Variants in GRID1 observed in about 807,000 individuals in gnomAD.
GRID1 encodes the protein glutamate ionotropic receptor delta type subunit 1.
GRID1 carries 28 observed loss-of-function variants against 98.0 expected under a neutral mutation model. The ratio of observed to expected loss-of-function variants is 0.29; its 90% confidence interval spans 0.21 to 0.39. The LOEUF (loss-of-function observed/expected upper bound fraction) is 0.39. Among genes scored for constraint, GRID1 ranks in the 10% least tolerant of loss-of-function variants. The pLI is 1.00. For synonymous variants in GRID1, 553 were observed against 538.5 expected (o/e 1.03, Z -0.37); for missense variants, 1,111 against 1,340.5 (o/e 0.83, Z 2.67).
intron 2 of GRID1, among the ~76,000 whole-genome samples, chr10:86,336,989 C>T (rs1402223960): frequency 2.6e-5 from 4 of 151,646 alleles, no homozygotes; most frequent in African/African-American, 7.3e-5. Flanking sequence ...GGACTACAGG[C>T]GCCCGCCACC....
intron 4 of GRID1, among the ~76,000 whole-genome samples, chr10:85,929,767 C>T (rs1191869668): frequency 6.6e-6 from 1 of 152,198 alleles, no homozygotes; most frequent in Non-Finnish European, 1.5e-5. Context: ...GTCCTGCTCC[C>T]CAGAGGCAAA....
At position 86,109,334 on chromosome 10, in the gene GRID1, G is replaced by A. The variant is rs141283470; in HGVS notation, c.726+29485C>T. Among the ~76,000 whole-genome samples the A allele has an allele frequency of 3.8e-3, 579 of 152,282 alleles. 3 individuals carry two copies. Among genetic ancestry groups the A allele is most frequent in the African/African-American group, 0.013 (538 of 41,554 alleles). On this transcript the variant is annotated intron_variant, in intron 4 of 15. Coordinates refer to ENST00000327946, the MANE Select transcript of GRID1 (RefSeq NM_017551.3). Reference sequence around the variant, plus strand: ...AGTGTTCAGAAGATGATATGCTCCCGCCACCGCCCAGGGTGAACAAGGCTT... The same window carrying A: ...AGTGTTCAGAAGATGATATGCTCCCACCACCGCCCAGGGTGAACAAGGCTT...
chr10:86,088,836 C>A (rs908519607), intron 4 of GRID1, among the ~76,000 whole-genome samples: 2 of 151,864 alleles, frequency 1.3e-5, no homozygotes, highest in Non-Finnish European at 2.9e-5. Flanking sequence ...TTCTTTTTGC[C>A]TCATATTTTG....
chr10:85,968,977 T>C (rs1156587543), intron 4 of GRID1, among the ~76,000 whole-genome samples: 1 of 152,148 alleles, frequency 6.6e-6, no homozygotes, highest in Non-Finnish European at 1.5e-5. Context: ...ATATAATAGG[T>C]TGAAAGTAAA....
intron 2 of GRID1, among the ~76,000 whole-genome samples, chr10:86,321,111 A>AG: frequency 1.1e-5 from 1 of 88,398 alleles, no homozygotes; most frequent in South Asian, 4.8e-4. Flanking sequence ...AAAAAAAAAA[A>AG]GAAAAAAAGC....
intron 2 of GRID1, among the ~76,000 whole-genome samples, chr10:86,255,770 A>G (rs1374476046): frequency 6.6e-6 from 1 of 152,036 alleles, no homozygotes; most frequent in Non-Finnish European, 1.5e-5. Context: ...GCGTGCACTC[A>G]CTTGTGCTGG....
At chr10:86,094,548 C>T (rs189788241) in intron 4 of GRID1, among the ~76,000 whole-genome samples, 1 of 152,232 alleles carries the variant, frequency 6.6e-6, no homozygotes, top group Admixed American at 6.5e-5. Context: ...TTCTATACAC[C>T]AACAGCAACC....
chr10:86,307,534 G>T (rs1847774994), intron 2 of GRID1, among the ~76,000 whole-genome samples: 4 of 152,308 alleles, frequency 2.6e-5, no homozygotes, highest in African/African-American at 4.8e-5. Flanking sequence ...GCCAGGAGCT[G>T]CTGTGGGGGG....
intron 4 of GRID1, among the ~76,000 whole-genome samples, chr10:85,942,719 T>G (rs893548282): frequency 2.6e-5 from 4 of 152,220 alleles, no homozygotes; most frequent in African/African-American, 9.6e-5. Context: ...TACAAAAGTC[T>G]ATTTTGAAAT....
rs139336759 is a variant in GRID1, at chr10:85,613,526, G to A, written c.2482C>T (p.Leu828=). 191 of 1,614,210 alleles carry A rather than the reference G, an allele frequency of 1.2e-4. No individual in the cohort carries two copies. The highest frequency in any genetic ancestry group is 4.9e-4 in the South Asian group (45 of 91,088). The change falls in exon 15 of 16, where the codon CTG becomes TTG. Residue 828 remains leucine (L), a synonymous_variant. Transcript: ENST00000327946. The part of the protein sequence containing the change: ...SAQADGKSLK[L]HSFAGVFCIL... Reference sequence around the variant, plus strand: ...CAGAAGACCCCGGCGAAGCTGTGCAGCTTGAGGGATTTGCCGTCGGCCTGG... The same window carrying A: ...CAGAAGACCCCGGCGAAGCTGTGCAACTTGAGGGATTTGCCGTCGGCCTGG...
intron 4 of GRID1, among the ~76,000 whole-genome samples, chr10:86,040,233 C>A (rs1307332355): frequency 1.3e-5 from 2 of 152,074 alleles, no homozygotes; most frequent in African/African-American, 2.4e-5. Context: ...CCCAGCAATC[C>A]AACTACAGGG....
At chr10:86,153,360 C>T (rs914461862) in intron 3 of GRID1, among the ~76,000 whole-genome samples, 1 of 152,210 alleles carries the variant, frequency 6.6e-6, no homozygotes, top group Non-Finnish European at 1.5e-5. Flanking sequence ...ATTTGCAAGC[C>T]AGTTATTAAA....
chr10:85,876,441 T>C (rs557487923), intron 5 of GRID1, among the ~76,000 whole-genome samples: 1 of 152,282 alleles, frequency 6.6e-6, no homozygotes, highest in Admixed American at 6.5e-5. Context: ...TGGGATTGCA[T>C]TTAACACCTA....
At position 86,365,187 on chromosome 10, in the gene GRID1, T is replaced by C. The variant is rs1848658130; in HGVS notation, c.80-1091A>G. On this transcript the variant is annotated intron_variant, in intron 1 of 15. Transcript: ENST00000327946. The surrounding 1 kb of genome is among the most constrained non-coding windows in gnomAD (Gnocchi z 4.8). ...GGAAGCAGGTTTGGTCACGGGCCCC[T>C]GAGGAGGAATCGTAGCTCTCCGAGC... Among the ~76,000 whole-genome samples the C allele has an allele frequency of 6.6e-6, 1 of 152,076 alleles. No individual in the cohort carries two copies. The highest frequency in any genetic ancestry group is 1.5e-5 in the Non-Finnish European group (1 of 67,996).
intron 8 of GRID1, among the ~76,000 whole-genome samples, chr10:85,742,391 G>A (rs1225617632): frequency 6.6e-6 from 1 of 152,118 alleles, no homozygotes; most frequent in Non-Finnish European, 1.5e-5. Context: ...AGGCTGCATT[G>A]GGCCCAAGGG....
At chr10:86,290,198 C>G (rs1166051737) in intron 2 of GRID1, among the ~76,000 whole-genome samples, 1 of 152,208 alleles carries the variant, frequency 6.6e-6, no homozygotes, top group African/African-American at 2.4e-5. Context: ...TAAGTGGACT[C>G]AATTATAGAT....
intron 4 of GRID1, among the ~76,000 whole-genome samples, chr10:86,118,667 T>C (rs1320298758): frequency 6.6e-6 from 1 of 152,138 alleles, no homozygotes. Flanking sequence ...AGGGTCATTT[T>C]TTAGTGGAGA....
At chr10:85,907,114 GTTTT>G (rs1841472605) in intron 5 of GRID1, among the ~76,000 whole-genome samples, 1 of 152,068 alleles carries the variant, frequency 6.6e-6, no homozygotes, top group African/African-American at 2.4e-5. Context: ...TTTTTTGTTT[GTTTT>G]GTTTTGTTTT....
At chr10:85,710,420 G>A (rs922814074) in intron 12 of GRID1, among the ~76,000 whole-genome samples, 1 of 152,096 alleles carries the variant, frequency 6.6e-6, no homozygotes, top group African/African-American at 2.4e-5. Flanking sequence ...ATATCCACAT[G>A]CAGAAAAATG....
Sources: allele counts gnomAD v4.1 joint callset (sites outside exome capture counted in the v4.1 genomes callset), GRCh38; gene constraint gnomAD v4.1.1; non-coding constraint Gnocchi (gnomAD v3.1); transcripts MANE v1.5; gene names NCBI Gene and HGNC (gene_info 2026-07-23, HGNC 2026-07-21).